RBFOX1: variants seen among roughly 807,000 people sequenced by gnomAD.
RBFOX1 encodes RNA binding protein fox-1 homolog 1.
RBFOX1 carries 8 observed loss-of-function variants against 57.7 expected under a neutral mutation model. That is an observed-to-expected ratio of 0.14 (90% confidence interval 0.08 to 0.25). The LOEUF (loss-of-function observed/expected upper bound fraction) is 0.25, where lower values mean the gene tolerates loss of function less well. RBFOX1 is among the 10% of genes least tolerant of loss of function. The pLI, the probability that RBFOX1 is intolerant of heterozygous loss-of-function variation, is 1.00. For synonymous variants in RBFOX1, 326 were observed against 222.4 expected, an observed-to-expected ratio of 1.47 and a Z score of -4.15; for missense variants, 611 against 548.5, an observed-to-expected ratio of 1.11 and a Z score of -1.14.
intron 3 of RBFOX1, among the ~76,000 whole-genome samples, chr16:6,768,959 C>G (rs1159336254): frequency 6.6e-6 from 1 of 152,074 alleles, no homozygotes; most frequent in East Asian, 1.9e-4. Context: ...AAACTCCTGA[C>G]CTCGTGATCT....
rs1328770586 is a variant in RBFOX1, at chr16:7,276,847, A to G, written c.27+224749A>G. ...GAAGGAGGTAATGCTGCTGCTCAGAAGTGTGGGCTTCTGTCTAATTATGTG... is the reference window on the plus strand; with the variant it reads ...GAAGGAGGTAATGCTGCTGCTCAGAGGTGTGGGCTTCTGTCTAATTATGTG... On this transcript the variant is annotated intron_variant, in intron 4 of 15. Coordinates refer to ENST00000550418, the MANE Select transcript of RBFOX1 (RefSeq NM_018723.4). 2.0e-5 allele frequency among the ~76,000 whole-genome samples: 3 copies of G among 152,182 alleles called. No individual in the cohort carries two copies. In the East Asian group the frequency reaches 5.8e-4, roughly 29 times the overall value.
intron 1 of RBFOX1, among the ~76,000 whole-genome samples, chr16:6,135,485 A>G (rs1476829656): frequency 6.6e-6 from 1 of 152,144 alleles, no homozygotes; most frequent in East Asian, 1.9e-4. Context: ...TCCCATCATC[A>G]TTTTGAGGCA....
chr16:6,183,523 TA>T (rs2097083136), intron 1 of RBFOX1, among the ~76,000 whole-genome samples: 1 of 150,646 alleles, frequency 6.6e-6, no homozygotes, highest in African/African-American at 2.4e-5. Context: ...AATAAATAAA[TA>T]AATGTAAGGA....
intron 2 of RBFOX1, among the ~76,000 whole-genome samples, chr16:6,504,988 G>T (rs141081452): frequency 1.3e-5 from 2 of 152,082 alleles, no homozygotes; most frequent in African/African-American, 4.8e-5. Context: ...CAAGAGAATC[G>T]CTTGAACCCA....
intron 4 of RBFOX1, among the ~76,000 whole-genome samples, chr16:5,989,131 T>C (rs560103372): frequency 6.7e-6 from 1 of 148,680 alleles, no homozygotes; most frequent in Non-Finnish European, 1.5e-5. Context: ...CCATCCTGAC[T>C]AACACAGTGA....
intron 4 of RBFOX1, among the ~76,000 whole-genome samples, chr16:7,410,028 G>A (rs1410731486): frequency 6.6e-6 from 1 of 152,072 alleles, no homozygotes; most frequent in Non-Finnish European, 1.5e-5. Context: ...GGTCCCTTCA[G>A]CTGCAATTAA....
chr16:6,182,438 C>T (rs982693086), intron 1 of RBFOX1, among the ~76,000 whole-genome samples: 10 of 152,122 alleles, frequency 6.6e-5, no homozygotes, highest in African/African-American at 2.4e-4. Context: ...TACAGATGTA[C>T]GTTTATATAA....
At chr16:6,074,080 C>G (rs981462670) in intron 1 of RBFOX1, among the ~76,000 whole-genome samples, 3 of 152,130 alleles carry the variant, frequency 2.0e-5, no homozygotes, top group Non-Finnish European at 4.4e-5. Flanking sequence ...TCCCGAGTAG[C>G]TGGGACTATA....
rs77737009 is a variant in RBFOX1 at position 5,653,583 on chromosome 16, T to C, written c.318+54622T>C. Reference sequence around the variant, plus strand: ...CGTATGCGGGCCTGGGGTGATTGCCTCTCCCTGACCTCCTTTGCCTCTCCC... The same window carrying C: ...CGTATGCGGGCCTGGGGTGATTGCCCCTCCCTGACCTCCTTTGCCTCTCCC... On this transcript the variant is annotated intron_variant, in intron 3 of 19. Transcript: ENST00000641259. Among the ~76,000 whole-genome samples, 2,113 of 152,206 alleles carry C rather than the reference T, an allele frequency of 0.014. 123 individuals carry two copies. The East Asian group carries it at 0.19, about 13-fold the overall frequency.
intron 4 of RBFOX1, among the ~76,000 whole-genome samples, chr16:5,871,968 T>G (rs764412254): frequency 2.2e-4 from 34 of 152,198 alleles, no homozygotes; most frequent in Non-Finnish European, 4.3e-4. Flanking sequence ...CTTGGGAGAA[T>G]GTAGGTGGAA....
At chr16:6,996,823 C>G (rs1376447055) in intron 3 of RBFOX1, among the ~76,000 whole-genome samples, 1 of 152,004 alleles carries the variant, frequency 6.6e-6, no homozygotes, top group Non-Finnish European at 1.5e-5. Flanking sequence ...GAGTTGATTT[C>G]CATCATTGCT....
intron 1 of RBFOX1, among the ~76,000 whole-genome samples, chr16:5,255,342 A>ATCCG (rs1567240467): frequency 1.4e-5 from 1 of 73,702 alleles, no homozygotes; most frequent in Non-Finnish European, 3.2e-5. Context: ...CCATCCATCC[A>ATCCG]TCCATCCATC....
intron 3 of RBFOX1, among the ~76,000 whole-genome samples, chr16:5,811,395 G>A (rs915586539): frequency 4.0e-5 from 6 of 151,510 alleles, no homozygotes; most frequent in Admixed American, 6.6e-5. Context: ...CGCCTGCCTC[G>A]GCCTCTCAAA....
At chr16:6,611,374 T>C (rs1437908142) in intron 2 of RBFOX1, among the ~76,000 whole-genome samples, 1 of 151,886 alleles carries the variant, frequency 6.6e-6, no homozygotes, top group Non-Finnish European at 1.5e-5. Context: ...CTCAAACTCC[T>C]GACCTCAGGT....
intron 12 of RBFOX1, among the ~76,000 whole-genome samples, chr16:7,664,079 A>G (rs2068527773): frequency 6.6e-6 from 1 of 152,222 alleles, no homozygotes; most frequent in African/African-American, 2.4e-5. Context: ...TTTAGTCTAG[A>G]TATAATTTAC....
chr16:6,367,748 TA>T (rs566126562), intron 2 of RBFOX1, among the ~76,000 whole-genome samples: 3,708 of 143,636 alleles, frequency 0.026, 73 homozygotes, highest in Non-Finnish European at 0.033. Context: ...TTGCAATTGT[TA>T]AAAAAAAAAA....
chr16:6,296,776 A>G (rs1040658440), intron 1 of RBFOX1, among the ~76,000 whole-genome samples: 3 of 152,190 alleles, frequency 2.0e-5, no homozygotes, highest in African/African-American at 4.8e-5. Flanking sequence ...TCAGATCCAC[A>G]TGAGTTTACT....
intron 4 of RBFOX1, among the ~76,000 whole-genome samples, chr16:7,127,842 A>G (rs2069017445): frequency 6.6e-6 from 1 of 152,220 alleles, no homozygotes; most frequent in Non-Finnish European, 1.5e-5. Context: ...CAAGCATATA[A>G]GGACTTTATT....
chr16:5,650,416 G>A (rs182848257), intron 3 of RBFOX1, among the ~76,000 whole-genome samples: 19 of 152,258 alleles, frequency 1.2e-4, no homozygotes, highest in African/African-American at 4.6e-4. Flanking sequence ...CAAGTGGTGC[G>A]GGAGAGGCAA....
Sources: allele counts gnomAD v4.1 joint callset (sites outside exome capture counted in the v4.1 genomes callset), GRCh38; gene constraint gnomAD v4.1.1; transcripts MANE v1.5; gene names NCBI Gene and HGNC (gene_info 2026-07-23, HGNC 2026-07-21).